TMEM114: variants seen among roughly 807,000 people sequenced by gnomAD.
TMEM114 encodes transmembrane protein 114.
In TMEM114, 6 loss-of-function variants were observed where a neutral mutation model predicts 6.2. That is an observed-to-expected ratio of 0.97 (90% CI 0.53 to 1.91). TMEM114 has a LOEUF of 1.91. TMEM114 is among the 40% of genes most tolerant of loss of function. The pLI, the probability that TMEM114 is intolerant of heterozygous loss-of-function variation, is 0.01. For missense variants in TMEM114, 218 were observed against 158.3 expected (o/e 1.38, Z -2.02); for synonymous variants, 104 against 73.0 (o/e 1.42, Z -2.16).
chr16:8,574,056 T>C (rs1901830988), intron 2 of TMEM114, among the ~76,000 whole-genome samples: 2 of 152,130 alleles, frequency 1.3e-5, no homozygotes, highest in South Asian at 4.1e-4. Flanking sequence ...GGCAGGAAAC[T>C]ATGTCAGTTT....
chr16:8,560,189 G>C (rs571762658), intron 2 of TMEM114, among the ~76,000 whole-genome samples: 1 of 151,784 alleles, frequency 6.6e-6, no homozygotes, highest in African/African-American at 2.4e-5. Context: ...GTAGAGATGG[G>C]GTCTTGCTAT....
At chr16:8,559,816 A>G (rs1204622410) in intron 2 of TMEM114, among the ~76,000 whole-genome samples, 1 of 152,134 alleles carries the variant, frequency 6.6e-6, no homozygotes, top group African/African-American at 2.4e-5. Flanking sequence ...CCAGGTTTCC[A>G]TGACAGAAGC....
chr16:8,559,185 C>G (rs763726168), intron 2 of TMEM114, among the ~76,000 whole-genome samples: 1 of 152,026 alleles, frequency 6.6e-6, no homozygotes, highest in African/African-American at 2.4e-5. Flanking sequence ...TGGGACTATA[C>G]GCATGCGCCA....
At chr16:8,568,416 G>C (rs1901616266), downstream of TMEM114, among the ~76,000 whole-genome samples, 1 of 152,090 alleles carries the variant, frequency 6.6e-6, no homozygotes, top group Non-Finnish European at 1.5e-5. Context: ...TCATGGTGGT[G>C]TCATGTCGTT....
intron 3 of TMEM114, 117 bp from the exon 4 acceptor site, chr16:8,570,122 G>A: frequency 7.3e-7 from 1 of 1,366,648 alleles, no homozygotes; most frequent in Non-Finnish European, 9.9e-7. Flanking sequence ...GCTCCTTCCT[G>A]CTGCGGGACC....
chr16:8,576,492 GC>G (rs1223859968), intron 2 of TMEM114, among the ~76,000 whole-genome samples: 5 of 152,210 alleles, frequency 3.3e-5, no homozygotes, highest in African/African-American at 1.2e-4. Flanking sequence ...ACTGGCAGGG[GC>G]CAGGGGCTCT....
Position 8,543,471 on chromosome 16 carries a change from A to G in TMEM114, n.213-5645T>C, listed in dbSNP as rs1442457115. 2.0e-5 allele frequency among the ~76,000 whole-genome samples: 3 copies of G among 151,882 alleles called. No homozygotes were observed. In the East Asian group the frequency reaches 5.8e-4, roughly 30 times the overall value. On this transcript the variant is annotated intron_variant and non_coding_transcript_variant, in intron 2 of 2. Coordinates refer to the TMEM114 transcript ENST00000623677. ...GTCATGCAATGGTGCACCTTGCATC[A>G]TGCAATGGTGCACCTTGCACCATGC...
downstream of TMEM114, among the ~76,000 whole-genome samples, chr16:8,533,661 G>C (rs1321720493): frequency 1.3e-5 from 2 of 152,198 alleles, no homozygotes. Context: ...GTGTTACATT[G>C]ATTATTTCAC....
At chr16:8,564,393 GTGAGTGAGTGAA>G (rs1282336642) in intron 2 of TMEM114, among the ~76,000 whole-genome samples, 1 of 148,424 alleles carries the variant, frequency 6.7e-6, no homozygotes, top group Non-Finnish European at 1.5e-5. Flanking sequence ...GAGGGAATGA[GTGAGTGAGTGAA>G]TGAGTGAGTG....
At chr16:8,544,378 G>A (rs1900598906) in intron 2 of TMEM114, among the ~76,000 whole-genome samples, 4 of 152,158 alleles carry the variant, frequency 2.6e-5, no homozygotes, top group African/African-American at 9.7e-5. Context: ...AAAACACATG[G>A]TCTCCTCATT....
chr16:8,557,293 G>T (rs1348042604), intron 2 of TMEM114, among the ~76,000 whole-genome samples: 3 of 152,054 alleles, frequency 2.0e-5, no homozygotes, highest in Non-Finnish European at 4.4e-5. Context: ...CACTAGCCCT[G>T]GGCCCAGGAA....
intron 2 of TMEM114, among the ~76,000 whole-genome samples, chr16:8,573,513 T>G (rs754853605): frequency 6.6e-6 from 1 of 152,088 alleles, no homozygotes; most frequent in Non-Finnish European, 1.5e-5. Flanking sequence ...GGTCTATACC[T>G]CTGTCACTAT....
chr16:8,561,837 T>G (rs537300427), intron 2 of TMEM114, among the ~76,000 whole-genome samples: 2 of 149,424 alleles, frequency 1.3e-5, no homozygotes, highest in African/African-American at 5.1e-5. Flanking sequence ...AGTGAGTGAA[T>G]GAGTGAGTGA....
intron 2 of TMEM114, among the ~76,000 whole-genome samples, chr16:8,555,479 G>A (rs1391049283): frequency 6.6e-6 from 1 of 152,160 alleles, no homozygotes; most frequent in African/African-American, 2.4e-5. Context: ...CCGGGTGGTG[G>A]GGAGGTGTTG....
downstream of TMEM114, among the ~76,000 whole-genome samples, chr16:8,533,327 C>A (rs1197932865): frequency 6.6e-6 from 1 of 152,134 alleles, no homozygotes; most frequent in African/African-American, 2.4e-5. Flanking sequence ...TGGGAAGATC[C>A]CAAGGCAGAG....
intron 3 of TMEM114, among the ~76,000 whole-genome samples, chr16:8,571,162 G>C (rs1319778446): frequency 6.7e-6 from 1 of 149,544 alleles, no homozygotes; most frequent in Non-Finnish European, 1.5e-5. Flanking sequence ...CAGGGATACA[G>C]ACAGCCTTTA....
downstream of TMEM114, among the ~76,000 whole-genome samples, chr16:8,567,066 A>AATTTT (rs1045389642): frequency 2.4e-3 from 346 of 144,438 alleles, 2 homozygotes; most frequent in South Asian, 9.3e-3. Flanking sequence ...ACAGCTGGCT[A>AATTTT]TTTTTTTTTT....
intron 2 of TMEM114, among the ~76,000 whole-genome samples, chr16:8,547,593 A>G (rs1441208712): frequency 6.6e-6 from 1 of 152,008 alleles, no homozygotes; most frequent in Non-Finnish European, 1.5e-5. Context: ...GGGTTTCACC[A>G]TCTTGGCCAG....
Position 8,541,483 on chromosome 16 carries a change from A to G in TMEM114, n.213-3657T>C, listed in dbSNP as rs1900514475. Among the ~76,000 whole-genome samples the G allele has an allele frequency of 2.0e-5, 3 of 152,204 alleles. No individual in the cohort carries two copies. In the South Asian group the frequency reaches 6.2e-4, roughly 31 times the overall value. ...TAAGAGATCAGAGACAATTCGTCTGACCATAAGGTTCAGGAAGGGGAAAGA... is the reference window on the plus strand; with the variant it reads ...TAAGAGATCAGAGACAATTCGTCTGGCCATAAGGTTCAGGAAGGGGAAAGA... On this transcript the variant is annotated intron_variant and non_coding_transcript_variant, in intron 2 of 2. Coordinates refer to the TMEM114 transcript ENST00000623677.
Sources: gnomAD v4.1 joint callset for allele counts (sites outside exome capture counted in the v4.1 genomes callset) on GRCh38, gnomAD v4.1.1 for gene constraint, MANE v1.5 for transcripts, NCBI Gene and HGNC (gene_info 2026-07-23, HGNC 2026-07-21) for gene names.